ZIC5: variants seen among roughly 807,000 people sequenced by gnomAD.
The protein encoded by ZIC5 is Zic family zinc finger 5, also known as zinc finger protein ZIC 5.
Under a neutral mutation model 28.5 loss-of-function variants are expected in ZIC5, and 20 were observed. That is an observed-to-expected ratio of 0.70 (90% CI 0.49 to 1.02). The LOEUF (loss-of-function observed/expected upper bound fraction) is 1.02. ZIC5 is among the 50% of genes least tolerant of loss of function. The pLI is 0.00. For synonymous variants in ZIC5, 488 were observed against 410.4 expected (o/e 1.19, Z -2.29); for missense variants, 951 against 899.7 (o/e 1.06, Z -0.73).
intron 1 of ZIC5, among the ~76,000 whole-genome samples, chr13:99,966,480 T>C (rs186035600): frequency 2.4e-4 from 36 of 152,292 alleles, no homozygotes; most frequent in East Asian, 1.9e-3. Flanking sequence ...CACCACTCGA[T>C]TTTTACAGGG....
chr13:99,966,743 G>C (rs913638775), intron 1 of ZIC5, among the ~76,000 whole-genome samples: 3 of 151,686 alleles, frequency 2.0e-5, no homozygotes, highest in African/African-American at 7.3e-5. Flanking sequence ...CCTTAAGCTG[G>C]CCTAACCACC....
Position 99,971,390 on chromosome 13 carries a change from T to C in ZIC5, c.214A>G (p.Met72Val). 1.3e-6 allele frequency: 2 copies of C among 1,504,906 alleles called. No homozygotes were observed. Among genetic ancestry groups the C allele is most frequent in the Non-Finnish European group, 1.8e-6 (2 of 1,134,754 alleles). 93.2% of individuals were successfully genotyped at this position (1,504,906 alleles called of 1,614,324 possible). A position where few individuals can be genotyped will look rare whatever the true frequency, so the allele number is the denominator to read the frequency against. The change falls in exon 1 of 2, where the codon ATG becomes GTG. Residue 72 changes from methionine to valine, a missense_variant. This residue lies in a region of ZIC5 where 784 missense variants were observed against 660.1 expected (regional missense o/e 1.19). Coordinates refer to ENST00000267294, the MANE Select transcript of ZIC5 (RefSeq NM_033132.5). ...AGGCCCAGCGTGCTCGCCTGGGCCA[T>C]GTGCTCGGGTCCGAGCGGAGTGGTG... ...VATTPLGPEH[M>V]AQASTLGLSP...
intron 1 of ZIC5, among the ~76,000 whole-genome samples, chr13:99,966,655 C>T (rs1307315368): frequency 6.6e-6 from 1 of 152,162 alleles, no homozygotes; most frequent in African/African-American, 2.4e-5. Flanking sequence ...TACTTACTCT[C>T]ACAGCTCCCT....
rs776402347 is a variant in ZIC5, at chr13:99,971,701, C to A, written c.-98G>T. The A allele has an allele frequency of 2.6e-6, 4 of 1,551,186 alleles. No individual in the cohort carries two copies. The highest frequency in any genetic ancestry group is 2.0e-5 in the Admixed American group (1 of 51,032). ...GTATGTATTGGGCGCTCTTTAACTTCTTTTGTCCTGGCCTCTTAACTCTGC... is the reference window on the plus strand; with the variant it reads ...GTATGTATTGGGCGCTCTTTAACTTATTTTGTCCTGGCCTCTTAACTCTGC... On this transcript the variant is annotated 5_prime_UTR_variant, in exon 1 of 2. Transcript: ENST00000267294.
chr13:99,971,257 C>CCGCCGCAGGGGTAGCTGCCCG lies in ZIC5; in HGVS notation c.326_346dup (p.Ala109_Gly115dup). On this transcript the variant is annotated inframe_insertion, in exon 1 of 2. Coordinates refer to ENST00000267294, the MANE Select transcript of ZIC5 (RefSeq NM_033132.5). ...GGAGGGCTGCGCGCCACTGCTGCCC[C>CCGCCGCAGGGGTAGCTGCCCG]CGCCGCAGGGGTAGCTGCCCGCGCC... 7.5e-7 allele frequency: 1 copy of CCGCCGCAGGGGTAGCTGCCCG among 1,331,276 alleles called. No homozygotes were observed. The highest frequency in any genetic ancestry group is 9.5e-7 in the Non-Finnish European group (1 of 1,049,428). The allele number at this position is 1,331,276 out of a possible 1,614,324, so 82.5% of individuals were successfully genotyped here. A position where few individuals can be genotyped will look rare whatever the true frequency, so the allele number is the denominator to read the frequency against.
rs920057259 is a variant in ZIC5 at position 99,970,453 on chromosome 13, C to T, written c.1151G>A (p.Gly384Glu). 2 of 1,064,546 alleles carry T rather than the reference C, an allele frequency of 1.9e-6. No individual in the cohort carries two copies. The highest frequency in any genetic ancestry group is 3.3e-5 in the South Asian group (1 of 30,712). The allele number at this position is 1,064,546 out of a possible 1,614,324, so 65.9% of individuals were successfully genotyped here. A position where few individuals can be genotyped will look rare whatever the true frequency, so the allele number is the denominator to read the frequency against. Reference protein sequence around the residue: ...CKWIDPDELAGLPPPPPPPPP... With the variant: ...CKWIDPDELAELPPPPPPPPP... ...CGGCGGCGGCGGCGGCGGCGGCAGCCCGGCCAGCTCGTCGGGGTCGATCCA... is the reference window on the plus strand; with the variant it reads ...CGGCGGCGGCGGCGGCGGCGGCAGCTCGGCCAGCTCGTCGGGGTCGATCCA... The change falls in exon 1 of 2, where the codon GGG becomes GAG. Residue 384 changes from glycine (G) to glutamate (E), a missense_variant. Transcript: ENST00000267294.
At chr13:99,968,024 G>C (rs958142781) in intron 1 of ZIC5, among the ~76,000 whole-genome samples, 1 of 152,246 alleles carries the variant, frequency 6.6e-6, no homozygotes, top group Non-Finnish European at 1.5e-5. Flanking sequence ...CCTCTCCCGA[G>C]AGAGCGCGAG....
In ZIC5 at chr13:99,963,047, ATT is replaced by A. The variant is rs1189947588; in HGVS notation, c.*2328_*2329del. On this transcript the variant is annotated 3_prime_UTR_variant, in exon 2 of 2. Transcript: ENST00000267294. ...ATAATAACAAGAATACCTTTATTAA[ATT>A]TGTTACTTCATAATCATTCTTGCTT... 3 of 152,292 alleles carry A rather than the reference ATT, an allele frequency of 2.0e-5. No homozygotes were observed. Among genetic ancestry groups the A allele is most frequent in the Non-Finnish European group, 4.4e-5 (3 of 68,038 alleles). 9.4% of individuals were successfully genotyped at this position (152,292 alleles called of 1,614,324 possible).
Position 99,965,228 on chromosome 13 carries a change from A to C in ZIC5, c.*149T>G, listed in dbSNP as rs998281430. 8.8e-5 allele frequency: 50 copies of C among 569,324 alleles called. No individual in the cohort carries two copies. The highest frequency in any genetic ancestry group is 8.4e-4 in the African/African-American group (43 of 51,184). 35.3% of individuals were successfully genotyped at this position (569,324 alleles called of 1,614,324 possible). A position where few individuals can be genotyped will look rare whatever the true frequency, so the allele number is the denominator to read the frequency against. ...TAAATTAATTAAATGTACAAACACC[A>C]TAGGGTTTCATACTGAATAAATAGG... On this transcript the variant is annotated 3_prime_UTR_variant, in exon 2 of 2. Coordinates refer to ENST00000267294, the MANE Select transcript of ZIC5 (RefSeq NM_033132.5).
Position 99,971,248 on chromosome 13 carries a change from C to A in ZIC5, c.356G>T (p.Ser119Ile). 7.5e-7 allele frequency: 1 copy of A among 1,325,050 alleles called. No individual in the cohort carries two copies. Among genetic ancestry groups the A allele is most frequent in the Non-Finnish European group, 9.6e-7 (1 of 1,046,130 alleles). 82.1% of individuals were successfully genotyped at this position (1,325,050 alleles called of 1,614,324 possible). The change falls in exon 1 of 2, where the codon AGT becomes ATT. Residue 119 changes from serine (S) to isoleucine (I), a missense_variant. Physicochemically the swap from Ser to Ile is moderately radical, Grantham distance 142. Around this residue, in one of 3 missense-constraint regions of ZIC5, gnomAD observed 784 missense variants for 660.1 expected, o/e 1.19. Transcript: ENST00000267294. ...CGGGGGCGCGGAGGGCTGCGCGCCA[C>A]TGCTGCCCCCGCCGCAGGGGTAGCT... is the stretch of plus-strand genomic sequence containing the variant. ...AGSYPCGGGSSGAQPSAPPPP... is the reference protein window; with the variant it reads ...AGSYPCGGGSIGAQPSAPPPP...
In ZIC5 at chr13:99,965,473, G is replaced by A. The variant is rs750366660; in HGVS notation, c.1824C>T (p.Pro608=). Residue 608 remains proline (P), a synonymous_variant, in exon 2 of 2, where the codon CCC becomes CCT. Coordinates refer to ENST00000267294, the MANE Select transcript of ZIC5 (RefSeq NM_033132.5). ...EWYVCQASGA[P]SHLHTPSSNG... ...TGCTGGAAGGGGTGTGGAGGTGGCTGGGGGCCCCACTGGCCTGGCAAACGT... is the reference window on the plus strand; with the variant it reads ...TGCTGGAAGGGGTGTGGAGGTGGCTAGGGGCCCCACTGGCCTGGCAAACGT... 4 of 1,613,814 alleles carry A rather than the reference G, an allele frequency of 2.5e-6. No individual in the cohort carries two copies. The African/African-American group carries it at 4.0e-5, about 16-fold the overall frequency.
Position 99,971,746 on chromosome 13 carries a change from A to G in ZIC5, c.-143T>C, listed in dbSNP as rs950063147. ...CTCTGCTTATTCCTGTTCCCACTCT[A>G]TCCTCCAGCGATTGGCAGAGTGAAC... On this transcript the variant is annotated 5_prime_UTR_variant, in exon 1 of 2. Coordinates refer to ENST00000267294, the MANE Select transcript of ZIC5 (RefSeq NM_033132.5). 5.2e-6 allele frequency: 8 copies of G among 1,534,884 alleles called. No individual in the cohort carries two copies. In the African/African-American group the frequency reaches 9.7e-5, roughly 19 times the overall value.
intron 1 of ZIC5, among the ~76,000 whole-genome samples, 156 bp downstream of exon 1, chr13:99,969,971 G>A (rs1376461417): frequency 6.6e-6 from 1 of 152,014 alleles, no homozygotes; most frequent in Non-Finnish European, 1.5e-5. Context: ...GAAAAAAAAA[G>A]AAGTCACATG....
At chr13:99,969,677 G>C (rs928459196) in intron 1 of ZIC5, among the ~76,000 whole-genome samples, 5 of 152,090 alleles carry the variant, frequency 3.3e-5, no homozygotes, top group Admixed American at 6.5e-5. Flanking sequence ...CCTACGACCC[G>C]GTGGGAAGAG....
chr13:99,971,448 G>A lies in ZIC5; in HGVS notation c.156C>T (p.Arg52=). 1.3e-6 allele frequency: 2 copies of A among 1,546,252 alleles called. No homozygotes were observed. The highest frequency in any genetic ancestry group is 1.4e-5 in the African/African-American group (1 of 73,088). Residue 52 remains arginine, a synonymous_variant, in exon 1 of 2, where the codon CGC becomes CGT. Coordinates refer to ENST00000267294, the MANE Select transcript of ZIC5 (RefSeq NM_033132.5). ...SQLRAAVAHL[R]LRDLGADPGV... Reference sequence around the variant, plus strand: ...CGGGGTCAGCGCCCAGGTCCCGCAGGCGGAGGTGCGCGACGGCGGCCCGGA... The same window carrying A: ...CGGGGTCAGCGCCCAGGTCCCGCAGACGGAGGTGCGCGACGGCGGCCCGGA...
rs930594482 is a variant in ZIC5 at position 99,963,239 on chromosome 13, T to C, written c.*2138A>G. On this transcript the variant is annotated 3_prime_UTR_variant, in exon 2 of 2. Transcript: ENST00000267294. Reference sequence around the variant, plus strand: ...TAATAAAGAATAGTGCAAACTACCATTGAAAAAGTTGTATAAATAAAACAA... The same window carrying C: ...TAATAAAGAATAGTGCAAACTACCACTGAAAAAGTTGTATAAATAAAACAA... 3.9e-5 allele frequency: 6 copies of C among 152,598 alleles called. No homozygotes were observed. Among genetic ancestry groups the C allele is most frequent in the South Asian group, 4.1e-4 (2 of 4,832 alleles). The allele number at this position is 152,598 out of a possible 1,614,324, so 9.5% of individuals were successfully genotyped here.
At chr13:99,970,068 CGGCGGCGGCGCAGGAGCT>C in intron 1 of ZIC5, 41 bp downstream of exon 1, 1 of 1,596,394 alleles carries the variant, frequency 6.3e-7, no homozygotes, top group Non-Finnish European at 8.5e-7. Context: ...GCGGCGGAAG[CGGCGGCGGCGCAGGAGCT>C]GGTGGCGGCG....
In ZIC5 at chr13:99,970,059, C is replaced by T. The variant is rs564170316; in HGVS notation, c.1477+68G>A. ...CGAGCAGGAGGAGGAGGAGAAGCAG[C>T]GGCGGAAGCGGCGGCGGCGCAGGAG... On this transcript the variant is annotated intron_variant, in intron 1 of 1. Coordinates refer to ENST00000267294, the MANE Select transcript of ZIC5 (RefSeq NM_033132.5). 2.5e-6 allele frequency: 4 copies of T among 1,595,206 alleles called. No individual in the cohort carries two copies. In the East Asian group the frequency reaches 9.0e-5, roughly 36 times the overall value.
Position 99,970,728 on chromosome 13 carries a change from A to C in ZIC5, c.876T>G (p.Val292=). 8.3e-7 allele frequency: 1 copy of C among 1,197,676 alleles called. No homozygotes were observed. 74.2% of individuals were successfully genotyped at this position (1,197,676 alleles called of 1,614,324 possible). The change falls in exon 1 of 2, where the codon GTT becomes GTG. Residue 292 remains valine (V), a synonymous_variant. Transcript: ENST00000267294. ...GCAGGGCGGCCGCCGCTGCGGCCGC[A>C]ACCGCCCCGTAGTGCGCGTCCCCAG... is the stretch of plus-strand genomic sequence containing the variant. ...PRSGDAHYGA[V]AAAAAAALHG...
Sources: allele counts gnomAD v4.1 joint callset (sites outside exome capture counted in the v4.1 genomes callset), GRCh38; gene constraint gnomAD v4.1.1; regional missense constraint gnomAD v4.1.1; transcripts MANE v1.5; gene names NCBI Gene and HGNC (gene_info 2026-07-23, HGNC 2026-07-21).